DENND1B: variants seen among roughly 807,000 people sequenced by gnomAD.
DENND1B encodes the protein DENN domain containing 1B, also known as DENN domain-containing protein 1B.
Under a neutral mutation model 90.1 loss-of-function variants are expected in DENND1B, and 59 were observed. The ratio of observed to expected loss-of-function variants is 0.65; its 90% CI spans 0.53 to 0.81. The LOEUF (loss-of-function observed/expected upper bound fraction) is 0.81, where lower values mean the gene tolerates loss of function less well. DENND1B is among the 40% of genes least tolerant of loss of function. The probability of loss-of-function intolerance (pLI) is 0.00; values close to 1 mark genes in which losing one functional copy is unlikely to be tolerated. For synonymous variants in DENND1B, 337 were observed against 324.6 expected (o/e 1.04, Z -0.41); for missense variants, 862 against 912.6 (o/e 0.94, Z 0.71).
intron 16 of DENND1B, among the ~76,000 whole-genome samples, chr1:197,551,436 T>A (rs897071666): frequency 6.6e-6 from 1 of 152,072 alleles, no homozygotes; most frequent in African/African-American, 2.4e-5. Flanking sequence ...GTAGTGGGCA[T>A]TAAGTTGTAT....
intron 10 of DENND1B, among the ~76,000 whole-genome samples, chr1:197,640,200 C>T (rs942429324): frequency 3.3e-5 from 5 of 152,080 alleles, no homozygotes; most frequent in African/African-American, 7.2e-5. Flanking sequence ...AGGCCGGGTG[C>T]GGTGGCTCAC....
intron 10 of DENND1B, among the ~76,000 whole-genome samples, chr1:197,622,249 C>A (rs1678238109): frequency 6.6e-6 from 1 of 151,302 alleles, no homozygotes; most frequent in African/African-American, 2.4e-5. Context: ...AGTACTTGAA[C>A]TACTCATACC....
intron 3 of DENND1B, among the ~76,000 whole-genome samples, chr1:197,699,330 T>A (rs1027477445): frequency 1.3e-5 from 2 of 152,202 alleles, no homozygotes; most frequent in African/African-American, 4.8e-5. Flanking sequence ...TTTCAATAGA[T>A]GCAGAAAAGG....
chr1:197,712,126 A>G (rs1377106391), intron 3 of DENND1B, among the ~76,000 whole-genome samples: 2 of 6,154 alleles, frequency 3.2e-4, no homozygotes, highest in Non-Finnish European at 4.7e-4. Flanking sequence ...ATGGGTAGGA[A>G]GAATCAATAT....
intron 3 of DENND1B, among the ~76,000 whole-genome samples, chr1:197,696,719 CA>C (rs1658466560): frequency 6.6e-6 from 1 of 151,304 alleles, no homozygotes; most frequent in Non-Finnish European, 1.5e-5. Context: ...GATAAGTTAT[CA>C]TGAGTTTATT....
rs144972808 is a variant in DENND1B, at chr1:197,540,153, T to C, written c.1408-82A>G. On this transcript the variant is annotated intron_variant, in intron 19 of 22. Coordinates refer to ENST00000620048, the MANE Select transcript of DENND1B (RefSeq NM_001195215.2). ...GTATTAGATTAATAAACAAAGTATC[T>C]GATATACATACAAGTAGCAAAATAA... 1.5e-3 allele frequency: 1,370 copies of C among 891,512 alleles called. 14 individuals carry two copies. In the African/African-American group the frequency reaches 0.021, roughly 14 times the overall value. The allele number at this position is 891,512 out of a possible 1,614,324, so 55.2% of individuals were successfully genotyped here.
chr1:197,638,513 G>A (rs1679986716), intron 10 of DENND1B, among the ~76,000 whole-genome samples: 1 of 152,170 alleles, frequency 6.6e-6, no homozygotes, highest in African/African-American at 2.4e-5. Flanking sequence ...AGCCCCAGCT[G>A]AATAGTTAGA....
intron 15 of DENND1B, among the ~76,000 whole-genome samples, chr1:197,560,611 C>T (rs1414503803): frequency 6.6e-6 from 1 of 151,676 alleles, no homozygotes; most frequent in East Asian, 1.9e-4. Context: ...GAGTAAATAC[C>T]CACACTGGAG....
intron 7 of DENND1B, among the ~76,000 whole-genome samples, chr1:197,651,226 T>A (rs947236657): frequency 3.3e-5 from 5 of 152,006 alleles, no homozygotes; most frequent in African/African-American, 1.2e-4. Context: ...TTAATATAAA[T>A]AAATTTTAAT....
intron 5 of DENND1B, among the ~76,000 whole-genome samples, chr1:197,667,803 G>A (rs899695785): frequency 2.0e-4 from 30 of 151,596 alleles, no homozygotes; most frequent in African/African-American, 6.3e-4. Context: ...CTGCAAACAC[G>A]CACATATTTT....
chr1:197,548,216 C>T (rs946472905), intron 16 of DENND1B, among the ~76,000 whole-genome samples: 3 of 152,124 alleles, frequency 2.0e-5, no homozygotes, highest in African/African-American at 4.8e-5. Flanking sequence ...TACAAGTCAT[C>T]GCATGTTTTT....
rs142307301 is a variant in DENND1B at position 197,506,930 on chromosome 1, G to T, written c.*3530C>A. The T allele has an allele frequency of 6.6e-6, 1 of 151,378 alleles. No individual in the cohort carries two copies. Among genetic ancestry groups the T allele is most frequent in the Non-Finnish European group, 1.5e-5 (1 of 67,520 alleles). The allele number at this position is 151,378 out of a possible 1,614,324, so 9.4% of individuals were successfully genotyped here. A position where few individuals can be genotyped will look rare whatever the true frequency, so the allele number is the denominator to read the frequency against. On this transcript the variant is annotated 3_prime_UTR_variant, in exon 23 of 23. Coordinates refer to ENST00000620048, the MANE Select transcript of DENND1B (RefSeq NM_001195215.2). ...CCTGGTTATCTGATAATAAGATAAA[G>T]ACACTCAGTTTCTAAAAGAGTCTCT...
chr1:197,637,019 A>G (rs773786620), intron 10 of DENND1B, among the ~76,000 whole-genome samples: 1 of 152,118 alleles, frequency 6.6e-6, no homozygotes, highest in Admixed American at 6.6e-5. Flanking sequence ...GCCTAACTGT[A>G]AAATGAAAAA....
At chr1:197,658,706 A>G (rs1453838901) in intron 5 of DENND1B, among the ~76,000 whole-genome samples, 1 of 151,470 alleles carries the variant, frequency 6.6e-6, no homozygotes, top group African/African-American at 2.4e-5. Context: ...ACTAGTTTTA[A>G]AAAGCTTTTA....
intron 7 of DENND1B, among the ~76,000 whole-genome samples, chr1:197,650,441 A>G (rs908611096): frequency 2.6e-5 from 4 of 152,208 alleles, no homozygotes; most frequent in Non-Finnish European, 4.4e-5. Flanking sequence ...TACAGCCACT[A>G]TGAAAAAACA....
At chr1:197,559,533 C>T (rs191943366) in intron 15 of DENND1B, among the ~76,000 whole-genome samples, 3 of 151,860 alleles carry the variant, frequency 2.0e-5, no homozygotes, top group Non-Finnish European at 4.4e-5. Context: ...ACATTAGAAA[C>T]CCTTCTTAGG....
intron 10 of DENND1B, among the ~76,000 whole-genome samples, chr1:197,619,987 C>T (rs947081055): frequency 4.0e-5 from 6 of 151,156 alleles, no homozygotes; most frequent in Non-Finnish European, 8.9e-5. Context: ...CCTTCCCAAC[C>T]ACAGTTCTGG....
intron 2 of DENND1B, among the ~76,000 whole-genome samples, chr1:197,722,742 A>G (rs1392869313): frequency 6.6e-6 from 1 of 152,178 alleles, no homozygotes; most frequent in Non-Finnish European, 1.5e-5. Context: ...ACATTATTTC[A>G]AGATCTTTTA....
chr1:197,683,302 G>A (rs1413420737), intron 3 of DENND1B, among the ~76,000 whole-genome samples: 3 of 152,176 alleles, frequency 2.0e-5, no homozygotes, highest in Admixed American at 2.0e-4. Flanking sequence ...GAGAAATAAA[G>A]GCAATTTGAA....
Sources: gnomAD v4.1 joint callset for allele counts (sites outside exome capture counted in the v4.1 genomes callset) on GRCh38, gnomAD v4.1.1 for gene constraint, MANE v1.5 for transcripts, NCBI Gene and HGNC (gene_info 2026-07-23, HGNC 2026-07-21) for gene names.